The following ANKFN1 variants were observed in gnomAD, a reference collection of about 807,000 sequenced individuals.
The protein encoded by ANKFN1 is ankyrin repeat and fibronectin type III domain containing 1.
A neutral mutation model predicts 108.7 loss-of-function variants in ANKFN1; 74 were observed. That is an observed-to-expected ratio of 0.68 (90% confidence interval 0.56 to 0.83). ANKFN1 has a LOEUF of 0.83. ANKFN1 is among the 40% of genes least tolerant of loss of function. The probability of loss-of-function intolerance (pLI) is 0.00; values close to 1 mark genes in which losing one functional copy is unlikely to be tolerated. For synonymous variants in ANKFN1, 547 were observed against 516.2 expected (o/e 1.06, Z -0.81); for missense variants, 1,505 against 1,382.3 (o/e 1.09, Z -1.41).
At chr17:56,126,291 AAG>A (rs1227107874) in intron 4 of ANKFN1, among the ~76,000 whole-genome samples, 1 of 88,712 alleles carries the variant, frequency 1.1e-5, no homozygotes, top group African/African-American at 5.6e-5. Flanking sequence ...AGGAAAAAAA[AAG>A]GGGGGGCTAT....
intron 6 of ANKFN1, among the ~76,000 whole-genome samples, chr17:56,359,734 G>A (rs937550762): frequency 6.6e-6 from 1 of 152,198 alleles, no homozygotes; most frequent in African/African-American, 2.4e-5. Context: ...GCTGGGACTG[G>A]TCAGGGCATG....
At chr17:56,387,251 G>T (rs962853201) in intron 8 of ANKFN1, among the ~76,000 whole-genome samples, 1 of 151,670 alleles carries the variant, frequency 6.6e-6, no homozygotes, top group Non-Finnish European at 1.5e-5. Context: ...TAATTTACTT[G>T]TTCCTTTATT....
intron 11 of ANKFN1, among the ~76,000 whole-genome samples, chr17:56,453,900 T>TC (rs2049585024): frequency 6.6e-6 from 1 of 152,160 alleles, no homozygotes. Flanking sequence ...AACCTTTTTT[T>TC]CCCCTCTCTG....
At chr17:56,465,793 A>T (rs1372961693) in intron 14 of ANKFN1, among the ~76,000 whole-genome samples, 1 of 152,224 alleles carries the variant, frequency 6.6e-6, no homozygotes, top group Non-Finnish European at 1.5e-5. Context: ...AATAAACAGA[A>T]GCCCCTGAAA....
At chr17:56,166,576 G>T (rs1332836375) in intron 1 of ANKFN1, among the ~76,000 whole-genome samples, 1 of 151,976 alleles carries the variant, frequency 6.6e-6, no homozygotes, top group Non-Finnish European at 1.5e-5. Context: ...AGCCCATACT[G>T]CAGCCAACCG....
intron 4 of ANKFN1, among the ~76,000 whole-genome samples, chr17:56,147,322 C>A (rs2038583021): frequency 6.6e-6 from 1 of 152,208 alleles, no homozygotes; most frequent in African/African-American, 2.4e-5. Flanking sequence ...TATAGCAGCA[C>A]CTCACTCTAC....
At chr17:56,233,043 G>C (rs2143943922) in intron 3 of ANKFN1, among the ~76,000 whole-genome samples, 1 of 152,082 alleles carries the variant, frequency 6.6e-6, no homozygotes, top group African/African-American at 2.4e-5. Context: ...TAAATTATTT[G>C]TATCTGCGTC....
At chr17:56,400,336 G>GTGTTGT (rs1203139961) in intron 8 of ANKFN1, among the ~76,000 whole-genome samples, 1 of 152,110 alleles carries the variant, frequency 6.6e-6, no homozygotes, top group Non-Finnish European at 1.5e-5. Context: ...CTGATCATTA[G>GTGTTGT]TGTTGTTGAG....
chr17:56,486,896 G>A (rs1456686169), intron 18 of ANKFN1, among the ~76,000 whole-genome samples: 2 of 152,192 alleles, frequency 1.3e-5, no homozygotes, highest in Non-Finnish European at 2.9e-5. Context: ...AAGAATTTGA[G>A]ATTTGGCAAA....
rs187731763 is a variant in ANKFN1 at position 56,239,847 on chromosome 17, C to T, written c.53+11890C>T. 3.2e-4 allele frequency among the ~76,000 whole-genome samples: 49 copies of T among 152,240 alleles called. No individual in the cohort carries two copies. In the Middle Eastern group the frequency reaches 0.024, roughly 74 times the overall value. ...ACACTTCTGGTTCCATTAGATGTGA[C>T]TCTAGCAGAGTTGTGGGAAGGGATA... On this transcript the variant is annotated intron_variant, in intron 3 of 20. Transcript: ENST00000682825.
chr17:56,337,334 T>C (rs1287960183), intron 4 of ANKFN1, among the ~76,000 whole-genome samples: 1 of 152,102 alleles, frequency 6.6e-6, no homozygotes, highest in Non-Finnish European at 1.5e-5. Flanking sequence ...AAGTCTCCCA[T>C]CATTATTGTG....
intron 18 of ANKFN1, chr17:56,482,743 G>A: frequency 2.4e-6 from 1 of 420,112 alleles, no homozygotes. Context: ...AGGCCCAATG[G>A]AGAAGAAGGA....
At chr17:56,078,364 C>T (rs886545658) in intron 4 of ANKFN1, among the ~76,000 whole-genome samples, 6 of 152,142 alleles carry the variant, frequency 3.9e-5, no homozygotes, top group Admixed American at 2.0e-4. Flanking sequence ...TGCCTTCAGC[C>T]AGCCTGTGTC....
intron 4 of ANKFN1, among the ~76,000 whole-genome samples, chr17:56,344,301 T>C (rs2046038692): frequency 6.6e-6 from 1 of 152,106 alleles, no homozygotes; most frequent in Admixed American, 6.6e-5. Context: ...CTGAAGTTGC[T>C]ACTTGGTTAA....
chr17:56,074,340 A>G (rs1230635071), intron 4 of ANKFN1, among the ~76,000 whole-genome samples: 1 of 152,210 alleles, frequency 6.6e-6, no homozygotes, highest in Non-Finnish European at 1.5e-5. Flanking sequence ...CTGTTGAATG[A>G]TCAATGAGTC....
chr17:56,323,523 G>T (rs1598406173), intron 3 of ANKFN1: 1 of 152,648 alleles, frequency 6.6e-6, no homozygotes, highest in Non-Finnish European at 1.5e-5. Flanking sequence ...CTGTAAAAGT[G>T]CTAGGAAGTG....
chr17:56,226,365 TG>T (rs778060747), intron 2 of ANKFN1, among the ~76,000 whole-genome samples: 1 of 152,196 alleles, frequency 6.6e-6, no homozygotes, highest in Non-Finnish European at 1.5e-5. Context: ...GTATTATTTA[TG>T]GGCCCAGAAA....
chr17:56,345,080 T>G (rs991962682), intron 4 of ANKFN1, among the ~76,000 whole-genome samples: 7 of 152,176 alleles, frequency 4.6e-5, no homozygotes, highest in Non-Finnish European at 8.8e-5. Context: ...TGTGTGATGC[T>G]TCTCTCCCTG....
At chr17:56,222,929 C>T (rs1302526602) in intron 2 of ANKFN1, among the ~76,000 whole-genome samples, 1 of 152,094 alleles carries the variant, frequency 6.6e-6, no homozygotes, top group African/African-American at 2.4e-5. Flanking sequence ...ATTACAAGCC[C>T]ACTGTAATTG....
Sources: gnomAD v4.1 joint callset for allele counts (sites outside exome capture counted in the v4.1 genomes callset) on GRCh38, gnomAD v4.1.1 for gene constraint, MANE v1.5 for transcripts, NCBI Gene and HGNC (gene_info 2026-07-23, HGNC 2026-07-21) for gene names.